Variants in SLC8A3 observed in about 807,000 individuals in gnomAD.
SLC8A3 encodes sodium/calcium exchanger 3.
In SLC8A3, 37 loss-of-function variants were observed where a neutral mutation model predicts 65.4. The ratio of observed to expected loss-of-function variants is 0.57; its 90% confidence interval spans 0.44 to 0.74. The LOEUF (loss-of-function observed/expected upper bound fraction) is 0.74, where lower values mean the gene tolerates loss of function less well. Ranked by LOEUF, SLC8A3 falls within the 30% of genes least tolerant of loss-of-function variation. The pLI, the probability that SLC8A3 is intolerant of heterozygous loss-of-function variation, is 0.00. For synonymous variants in SLC8A3, 461 were observed against 444.5 expected (o/e 1.04, Z -0.47); for missense variants, 1,112 against 1,172.1 (o/e 0.95, Z 0.75).
At chr14:70,069,501 G>A (rs998717360) in intron 2 of SLC8A3, among the ~76,000 whole-genome samples, 1 of 152,186 alleles carries the variant, frequency 6.6e-6, no homozygotes, top group Non-Finnish European at 1.5e-5. Context: ...CAGCTGGACC[G>A]AGCAGGTGGA....
chr14:70,183,856 G>A (rs532085210), intron 1 of SLC8A3, among the ~76,000 whole-genome samples: 5 of 152,126 alleles, frequency 3.3e-5, no homozygotes, highest in African/African-American at 9.6e-5. Context: ...CCAGACCATC[G>A]GCTGATAGAA....
chr14:70,144,315 T>TTTA (rs1895765275), intron 2 of SLC8A3, among the ~76,000 whole-genome samples: 1 of 140,722 alleles, frequency 7.1e-6, no homozygotes, highest in Admixed American at 7.0e-5. Flanking sequence ...CCTGTTTTTT[T>TTTA]TTTTTTTTTT....
chr14:70,045,389 T>C lies in SLC8A3; in HGVS notation c.*558A>G, dbSNP rs1262625607. 1.3e-5 allele frequency: 2 copies of C among 152,134 alleles called. No homozygotes were observed. Among genetic ancestry groups the C allele is most frequent in the Non-Finnish European group, 2.9e-5 (2 of 68,038 alleles). 9.4% of individuals were successfully genotyped at this position (152,134 alleles called of 1,614,324 possible). A position where few individuals can be genotyped will look rare whatever the true frequency, so the allele number is the denominator to read the frequency against. ...GACCTGGAATTCCTTTGTGGCACCT[T>C]TTTCACTCACTTCAGAAAAAAAAGA... On this transcript the variant is annotated 3_prime_UTR_variant, in exon 7 of 7. Coordinates refer to ENST00000356921, the MANE Select transcript of SLC8A3 (RefSeq NM_182932.3).
intron 2 of SLC8A3, among the ~76,000 whole-genome samples, chr14:70,092,618 CACAGAATGAATGGCCTAAATGTTCTCTG>C (rs1891881988): frequency 6.6e-6 from 1 of 152,152 alleles, no homozygotes; most frequent in African/African-American, 2.4e-5. Context: ...CTATCTCTCC[CACAGAATGAATGGCCTAAATGTTCTCTG>C]ACAGTCCATT....
chr14:70,111,860 G>T (rs1427342289), intron 2 of SLC8A3, among the ~76,000 whole-genome samples: 3 of 152,218 alleles, frequency 2.0e-5, no homozygotes, highest in African/African-American at 7.2e-5. Context: ...TTGACAGGTA[G>T]TGCTAGATGA....
chr14:70,050,856 G>T (rs1255203625), intron 5 of SLC8A3, 152 bp downstream of exon 5: 6 of 573,660 alleles, frequency 1.0e-5, no homozygotes, highest in South Asian at 6.1e-5. Flanking sequence ...GATACGCCAT[G>T]ATTCTTTTCC....
In SLC8A3 at chr14:70,172,743, CA is replaced by C. The variant is rs145382721; in HGVS notation, c.-62-4260del. Reference sequence around the variant, plus strand: ...AAAGGTACAATCTAGCAGAAGTATACAGATGTACAAATAAACACTTTTATTG... The same window carrying C: ...AAAGGTACAATCTAGCAGAAGTATACGATGTACAAATAAACACTTTTATTG... On this transcript the variant is annotated intron_variant, in intron 1 of 6. Coordinates refer to ENST00000356921, the MANE Select transcript of SLC8A3 (RefSeq NM_182932.3). 9.4e-3 allele frequency among the ~76,000 whole-genome samples: 1,421 copies of C among 151,002 alleles called. 19 individuals carry two copies. Among genetic ancestry groups the C allele is most frequent in the African/African-American group, 0.032 (1,304 of 41,082 alleles).
At chr14:70,060,787 A>C (rs777438105) in intron 3 of SLC8A3, 49 bp downstream of exon 3, 1 of 1,023,160 alleles carries the variant, frequency 9.8e-7, no homozygotes, top group Non-Finnish European at 1.5e-6. Flanking sequence ...AGTTTGTTTT[A>C]ATTTTTCTTT....
At chr14:70,115,618 G>A (rs774771143) in intron 2 of SLC8A3, among the ~76,000 whole-genome samples, 2 of 152,210 alleles carry the variant, frequency 1.3e-5, no homozygotes, top group Admixed American at 6.5e-5. Flanking sequence ...ACGATGGGAA[G>A]CACAGTAGGA....
At chr14:70,078,872 A>G (rs890569286) in intron 2 of SLC8A3, among the ~76,000 whole-genome samples, 1 of 152,202 alleles carries the variant, frequency 6.6e-6, no homozygotes, top group Non-Finnish European at 1.5e-5. Context: ...ATATAAACCC[A>G]TGGTTGAGGC....
At chr14:70,163,578 C>A (rs1201539931) in intron 2 of SLC8A3, among the ~76,000 whole-genome samples, 1 of 152,168 alleles carries the variant, frequency 6.6e-6, no homozygotes, top group Non-Finnish European at 1.5e-5. Context: ...TGAAGCTATC[C>A]ATTTCGGTTT....
In SLC8A3 at chr14:70,048,839, A is replaced by C; in HGVS notation, c.2317T>G (p.Phe773Val). 1 of 1,614,162 alleles carries C rather than the reference A, an allele frequency of 6.2e-7. No individual in the cohort carries two copies. Among genetic ancestry groups the C allele is most frequent in the Non-Finnish European group, 8.5e-7 (1 of 1,180,032 alleles). ...TCTTTGAGACCAATGGTGCAGCCGA[A>C]GTGCGAGGCCAGGTCCCCAATGATG... is the stretch of plus-strand genomic sequence containing the variant. Reference protein sequence around the residue: ...TAIIGDLASHFGCTIGLKDSV... With the variant: ...TAIIGDLASHVGCTIGLKDSV... Residue 773 changes from phenylalanine to valine, a missense_variant, in exon 6 of 7, where the codon TTC (phenylalanine) becomes GTC (valine). Physicochemically the swap from Phe to Val is conservative, Grantham distance 50. Transcript: ENST00000356921.
Position 70,051,069 on chromosome 14 carries a change from G to C in SLC8A3, c.2052C>G (p.Ala684=), listed in dbSNP as rs1887451287. 6.2e-7 allele frequency: 1 copy of C among 1,613,732 alleles called. No individual in the cohort carries two copies. The highest frequency in any genetic ancestry group is 8.5e-7 in the Non-Finnish European group (1 of 1,179,664). ...TCCAGGAATGGGTCCCCACAACCAA[G>C]GCCAGGTTTGTCTTCTTGATCAGTT... ...VDKLIKKTNL[A]LVVGTHSWRD... is the part of the protein sequence containing the mutation. The change falls in exon 5 of 7, where the codon GCC becomes GCG. Residue 684 remains alanine (A), a synonymous_variant. Transcript: ENST00000356921.
chr14:70,080,006 T>C, intron 2 of SLC8A3: 3 of 769,634 alleles, frequency 3.9e-6, no homozygotes, highest in Non-Finnish European at 4.7e-6. Context: ...CTGGAGATGA[T>C]AACATTCACA....
At chr14:70,089,088 C>T (rs559789388) in intron 2 of SLC8A3, among the ~76,000 whole-genome samples, 23 of 152,190 alleles carry the variant, frequency 1.5e-4, no homozygotes, top group Non-Finnish European at 1.9e-4. Context: ...TTCCTTCCCT[C>T]CAAATTTTGA....
intron 2 of SLC8A3, 145 bp from the exon 3 acceptor site, chr14:70,061,084 G>A: frequency 1.9e-6 from 1 of 535,318 alleles, no homozygotes; most frequent in East Asian, 3.0e-5. Context: ...GGACCATGGT[G>A]GATTGTGTTG....
chr14:70,129,600 GT>G (rs2140220485), intron 2 of SLC8A3, among the ~76,000 whole-genome samples: 2 of 152,306 alleles, frequency 1.3e-5, no homozygotes, highest in East Asian at 3.9e-4. Context: ...ACCAGGTACT[GT>G]GGAAGAGATA....
At chr14:70,179,084 T>C (rs760650549) in intron 1 of SLC8A3, among the ~76,000 whole-genome samples, 1 of 152,210 alleles carries the variant, frequency 6.6e-6, no homozygotes, top group Admixed American at 6.5e-5. Context: ...CAGGCAAGCA[T>C]GTGTCTTAGG....
intron 2 of SLC8A3, among the ~76,000 whole-genome samples, chr14:70,132,841 T>C (rs1894936443): frequency 6.6e-6 from 1 of 152,158 alleles, no homozygotes; most frequent in African/African-American, 2.4e-5. Context: ...CCCTAGGCAC[T>C]TGGGGATTCA....
Sources: gnomAD v4.1 joint callset for allele counts (sites outside exome capture counted in the v4.1 genomes callset) on GRCh38, gnomAD v4.1.1 for gene constraint, MANE v1.5 for transcripts, NCBI Gene and HGNC (gene_info 2026-07-23, HGNC 2026-07-21) for gene names.